Variants in CACNA2D1 observed in about 807,000 individuals in gnomAD.
The protein encoded by CACNA2D1 is calcium voltage-gated channel auxiliary subunit alpha2delta 1.
CACNA2D1 carries 53 observed loss-of-function variants against 171.5 expected under a neutral mutation model. That is an observed-to-expected ratio of 0.31 (90% CI 0.25 to 0.39). The LOEUF (loss-of-function observed/expected upper bound fraction) is 0.39, where lower values mean the gene tolerates loss of function less well. Ranked by LOEUF, CACNA2D1 falls within the 10% of genes least tolerant of loss-of-function variation. CACNA2D1 has a pLI of 1.00. For missense variants in CACNA2D1, 903 were observed against 1,299.8 expected (o/e 0.69, Z 4.69); for synonymous variants, 442 against 443.1 (o/e 1.00, Z 0.03).
At chr7:82,169,689 C>A (rs542907389) in intron 4 of CACNA2D1, among the ~76,000 whole-genome samples, 1 of 152,088 alleles carries the variant, frequency 6.6e-6, no homozygotes, top group African/African-American at 2.4e-5. Context: ...CTGTCGCTCA[C>A]ATTCTAAACC....
At chr7:81,967,539 T>C in intron 30 of CACNA2D1, 57 bp downstream of exon 30, 1 of 910,782 alleles carries the variant, frequency 1.1e-6, no homozygotes. Context: ...TATATTTTTT[T>C]CTATTGAATT....
chr7:82,071,566 A>G (rs181662189), intron 7 of CACNA2D1, among the ~76,000 whole-genome samples: 2 of 152,276 alleles, frequency 1.3e-5, no homozygotes, highest in Admixed American at 1.3e-4. Context: ...TGACCCAGAG[A>G]TCCTGGATTT....
In CACNA2D1 at chr7:81,971,885, C is replaced by A. The variant is rs190274909; in HGVS notation, c.2054-21G>T. The A allele has an allele frequency of 1.3e-3, 1,751 of 1,363,024 alleles. 5 individuals are homozygous for A. Among genetic ancestry groups the A allele is most frequent in the Non-Finnish European group, 1.7e-3 (1,591 of 952,742 alleles). 84.4% of individuals were successfully genotyped at this position (1,363,024 alleles called of 1,614,324 possible). Reference sequence around the variant, plus strand: ...GTTACCTAACACAGAAAAAGATCATCAGTTACACTCACATTTCTAAAATTA... The same window carrying A: ...GTTACCTAACACAGAAAAAGATCATAAGTTACACTCACATTTCTAAAATTA... On this transcript the variant is annotated intron_variant, in intron 25 of 38. Transcript: ENST00000356860.
At chr7:82,001,273 A>G (rs2130832167) in intron 18 of CACNA2D1, among the ~76,000 whole-genome samples, 1 of 152,310 alleles carries the variant, frequency 6.6e-6, no homozygotes, top group South Asian at 2.1e-4. Flanking sequence ...TGGCTTATGG[A>G]AACTGTCATA....
chr7:81,982,286 T>C (rs1227975857), intron 24 of CACNA2D1, among the ~76,000 whole-genome samples: 1 of 152,154 alleles, frequency 6.6e-6, no homozygotes, highest in African/African-American at 2.4e-5. Context: ...TGTGCCACCA[T>C]GCCCAGCAAA....
chr7:81,959,955 G>A, intron 36 of CACNA2D1, 126 bp from the exon 37 acceptor site: 1 of 1,400,066 alleles, frequency 7.1e-7, no homozygotes, highest in South Asian at 1.3e-5. Flanking sequence ...ACCATTCCCA[G>A]CACAATAGGA....
intron 3 of CACNA2D1, among the ~76,000 whole-genome samples, chr7:82,278,173 T>C (rs1809605711): frequency 6.6e-6 from 1 of 152,228 alleles, no homozygotes; most frequent in South Asian, 2.1e-4. Context: ...TAGGAGATTG[T>C]CTGTATCTAT....
intron 1 of CACNA2D1, among the ~76,000 whole-genome samples, chr7:82,371,699 C>T (rs1388147543): frequency 2.0e-5 from 3 of 152,036 alleles, no homozygotes; most frequent in Admixed American, 6.5e-5. Context: ...CTTAGACTCC[C>T]GAGTAGCTGG....
At chr7:82,346,158 C>T (rs1372263648) in intron 2 of CACNA2D1, among the ~76,000 whole-genome samples, 1 of 152,164 alleles carries the variant, frequency 6.6e-6, no homozygotes, top group Non-Finnish European at 1.5e-5. Context: ...TGCACCCAGG[C>T]ATGGAAGCCC....
intron 38 of CACNA2D1, among the ~76,000 whole-genome samples, chr7:81,955,980 ATTTTTT>A (rs1164601123): frequency 4.6e-4 from 16 of 34,552 alleles, no homozygotes; most frequent in African/African-American, 1.9e-3. Flanking sequence ...ATATATATAT[ATTTTTT>A]TTTTTTTTTT....
At chr7:82,432,122 A>G (rs1461385592) in intron 1 of CACNA2D1, among the ~76,000 whole-genome samples, 1 of 152,004 alleles carries the variant, frequency 6.6e-6, no homozygotes, top group Non-Finnish European at 1.5e-5. Context: ...AGAAAACAAT[A>G]TTATTGTAAT....
rs1192103010 is a variant in CACNA2D1, at chr7:81,949,432, A to G, written c.*960T>C. On this transcript the variant is annotated 3_prime_UTR_variant, in exon 39 of 39. Coordinates refer to ENST00000356860, the MANE Select transcript of CACNA2D1 (RefSeq NM_000722.4). ...AACAATATCACTCAGTTAACTTTTC[A>G]ATGACTACACTCTACAGTAAGAGAA... The G allele has an allele frequency of 6.6e-6, 1 of 152,084 alleles. No homozygotes were observed. The highest frequency in any genetic ancestry group is 1.5e-5 in the Non-Finnish European group (1 of 67,974). 9.4% of individuals were successfully genotyped at this position (152,084 alleles called of 1,614,324 possible). A position where few individuals can be genotyped will look rare whatever the true frequency, so the allele number is the denominator to read the frequency against.
At chr7:82,200,607 T>C (rs920490526) in intron 3 of CACNA2D1, among the ~76,000 whole-genome samples, 1 of 152,202 alleles carries the variant, frequency 6.6e-6, no homozygotes, top group Non-Finnish European at 1.5e-5. Context: ...TGTTCATTTA[T>C]TTCTTGAAAT....
chr7:82,419,001 T>C (rs540344735), intron 1 of CACNA2D1, among the ~76,000 whole-genome samples: 124 of 151,822 alleles, frequency 8.2e-4, no homozygotes, highest in Admixed American at 1.4e-3. Flanking sequence ...TCCCAGCTAC[T>C]TGGGAGGCTG....
At chr7:81,998,808 C>T (rs37119) in intron 18 of CACNA2D1, among the ~76,000 whole-genome samples, 79,992 of 151,868 alleles carry the variant, frequency 0.53, 23,407 homozygotes, top group African/African-American at 0.8. Flanking sequence ...ATTTGAAATG[C>T]AGCGTATTTT....
intron 3 of CACNA2D1, among the ~76,000 whole-genome samples, chr7:82,325,254 G>T (rs115488491): frequency 0.012 from 1,773 of 152,266 alleles, 46 homozygotes; most frequent in African/African-American, 0.04. Context: ...GTGGAGATTG[G>T]ATTTCAAAAA....
intron 7 of CACNA2D1, among the ~76,000 whole-genome samples, chr7:82,072,411 A>G (rs750738914): frequency 4.6e-5 from 7 of 151,898 alleles, no homozygotes; most frequent in Non-Finnish European, 1.0e-4. Flanking sequence ...TCTCATTCCC[A>G]TGTATTTTTA....
At chr7:82,295,082 C>T (rs1298686011) in intron 3 of CACNA2D1, among the ~76,000 whole-genome samples, 1 of 152,106 alleles carries the variant, frequency 6.6e-6, no homozygotes, top group African/African-American at 2.4e-5. Flanking sequence ...AAACTTGAGA[C>T]ATCGTTTTTG....
intron 2 of CACNA2D1, among the ~76,000 whole-genome samples, chr7:82,342,357 T>C (rs368268544): frequency 6.6e-6 from 1 of 152,212 alleles, no homozygotes; most frequent in African/African-American, 2.4e-5. Flanking sequence ...AACCAGCGCA[T>C]AGCACAGTGC....
Sources: allele counts gnomAD v4.1 joint callset (sites outside exome capture counted in the v4.1 genomes callset), GRCh38; gene constraint gnomAD v4.1.1; transcripts MANE v1.5; gene names NCBI Gene and HGNC (gene_info 2026-07-23, HGNC 2026-07-21).